ICA1: variants seen among roughly 807,000 people sequenced by gnomAD.
The protein encoded by ICA1 is 69 kDa islet cell autoantigen.
In ICA1, 40 loss-of-function variants were observed where a neutral mutation model predicts 71.0. That is an observed-to-expected ratio of 0.56 (90% CI 0.44 to 0.73). The LOEUF (loss-of-function observed/expected upper bound fraction) is 0.73. ICA1 is among the 30% of genes least tolerant of loss of function. The probability of loss-of-function intolerance (pLI) is 0.00; values close to 1 mark genes in which losing one functional copy is unlikely to be tolerated. For synonymous variants in ICA1, 207 were observed against 209.5 expected, an observed-to-expected ratio of 0.99 and a Z score of 0.10; for missense variants, 578 against 576.5, an observed-to-expected ratio of 1.00 and a Z score of -0.03.
At chr7:8,238,174 C>T (rs983774112) in intron 1 of ICA1, among the ~76,000 whole-genome samples, 1 of 152,140 alleles carries the variant, frequency 6.6e-6, no homozygotes, top group Non-Finnish European at 1.5e-5. Flanking sequence ...AGAATTTGGA[C>T]TGCTGGATTA....
chr7:8,146,882 G>GCACACACA (rs144575495), intron 8 of ICA1, among the ~76,000 whole-genome samples: 1 of 139,356 alleles, frequency 7.2e-6, no homozygotes, highest in Non-Finnish European at 1.6e-5. Flanking sequence ...ACACACACAC[G>GCACACACA]CACACACACA....
Position 8,128,279 on chromosome 7 carries a change from C to T in ICA1, c.1061-137G>A, listed in dbSNP as rs188308369. 3.1e-4 allele frequency: 270 copies of T among 861,118 alleles called. 3 individuals carry two copies. The Middle Eastern group carries it at 6.9e-3, about 22-fold the overall frequency. The allele number at this position is 861,118 out of a possible 1,614,324, so 53.3% of individuals were successfully genotyped here. ...AATGTCATCAAAATATAAGTTCATC[C>T]TATTATTATAGCCTCTCTTAAGAGT... On this transcript the variant is annotated intron_variant, in intron 12 of 13. Transcript: ENST00000402384.
intron 1 of ICA1, among the ~76,000 whole-genome samples, chr7:8,252,004 C>A (rs1378147118): frequency 1.3e-5 from 2 of 151,946 alleles, no homozygotes; most frequent in Non-Finnish European, 2.9e-5. Context: ...ATTTGCAAAC[C>A]ACAAACCTAA....
chr7:8,207,415 C>T (rs1791983410), intron 6 of ICA1, among the ~76,000 whole-genome samples: 1 of 152,222 alleles, frequency 6.6e-6, no homozygotes, highest in East Asian at 1.9e-4. Context: ...AGGCTCCTCT[C>T]TCTGAGTTCC....
rs140134627 is a variant in ICA1 at position 8,222,745 on chromosome 7, T to C, written c.257-1347A>G. On this transcript the variant is annotated intron_variant, in intron 4 of 13. Coordinates refer to ENST00000402384, the MANE Select transcript of ICA1 (RefSeq NM_001136020.3). The surrounding 1 kb of genome is among the most constrained non-coding windows in gnomAD (Gnocchi z 4.8). ...TCTCTTCTGTCTCTCAAAAATCAAGTTCACCATCAAAGGCCTGCTCGCAGG... is the reference window on the plus strand; with the variant it reads ...TCTCTTCTGTCTCTCAAAAATCAAGCTCACCATCAAAGGCCTGCTCGCAGG... 1.3e-3 allele frequency among the ~76,000 whole-genome samples: 199 copies of C among 152,304 alleles called. No individual in the cohort carries two copies. Among genetic ancestry groups the C allele is most frequent in the African/African-American group, 4.6e-3 (190 of 41,566 alleles).
intron 6 of ICA1, among the ~76,000 whole-genome samples, chr7:8,180,781 G>T (rs1293995878): frequency 6.6e-6 from 1 of 151,208 alleles, no homozygotes; most frequent in Non-Finnish European, 1.5e-5. Flanking sequence ...CTTTTGTCAA[G>T]TATCTGCTCA....
intron 6 of ICA1, among the ~76,000 whole-genome samples, chr7:8,164,258 C>T (rs1038387794): frequency 2.4e-5 from 3 of 127,538 alleles, no homozygotes; most frequent in Admixed American, 1.0e-4. Flanking sequence ...GAACTGAGAT[C>T]GTCGCACTGC....
At chr7:8,158,224 G>T in intron 7 of ICA1, 1 of 334,886 alleles carries the variant, frequency 3.0e-6, no homozygotes, top group Non-Finnish European at 5.5e-6. Flanking sequence ...GTGACATTCT[G>T]TCTCGTACAT....
chr7:8,227,542 A>G lies in ICA1; in HGVS notation c.256+1059T>C, dbSNP rs952672506. 4 of 294,146 alleles carry G rather than the reference A, an allele frequency of 1.4e-5. No homozygotes were observed. In the Admixed American group the frequency reaches 1.9e-4, roughly 14 times the overall value. 18.2% of individuals were successfully genotyped at this position (294,146 alleles called of 1,614,324 possible). A position where few individuals can be genotyped will look rare whatever the true frequency, so the allele number is the denominator to read the frequency against. ...CCTCAAACACTTAGGAAATACTAAC[A>G]TAGATAATTTATAAAATACTGCCTC... On this transcript the variant is annotated intron_variant, in intron 4 of 13. Coordinates refer to ENST00000402384, the MANE Select transcript of ICA1 (RefSeq NM_001136020.3).
At chr7:8,245,835 G>A (rs71533396) in intron 1 of ICA1, among the ~76,000 whole-genome samples, 2,342 of 152,238 alleles carry the variant, frequency 0.015, 25 homozygotes, top group Non-Finnish European at 0.024. Context: ...ATACCATATT[G>A]AACAGTACAA....
intron 6 of ICA1, among the ~76,000 whole-genome samples, chr7:8,193,300 C>T (rs915056178): frequency 1.3e-5 from 2 of 152,286 alleles, no homozygotes. Context: ...TATCAGAAAT[C>T]AGGAGTTTAC....
chr7:8,115,704 G>A (rs1046267233), intron 13 of ICA1, among the ~76,000 whole-genome samples: 1 of 152,190 alleles, frequency 6.6e-6, no homozygotes, highest in Non-Finnish European at 1.5e-5. Flanking sequence ...ACTTCCTGTG[G>A]CCAACAAGAG....
chr7:8,152,747 C>CACCACAATT (rs1799667048), intron 8 of ICA1, among the ~76,000 whole-genome samples: 3 of 150,788 alleles, frequency 2.0e-5, no homozygotes, highest in East Asian at 2.0e-4. Context: ...CCACAACCAC[C>CACCACAATT]ATCTCCTTCA....
At chr7:8,149,498 C>G (rs1798106040) in intron 8 of ICA1, among the ~76,000 whole-genome samples, 1 of 152,160 alleles carries the variant, frequency 6.6e-6, no homozygotes, top group Admixed American at 6.5e-5. Context: ...GCAAAAGTGT[C>G]TTAGAAAGGA....
chr7:8,118,469 AG>A (rs1785494684), intron 13 of ICA1, among the ~76,000 whole-genome samples: 2 of 152,212 alleles, frequency 1.3e-5, no homozygotes, highest in Admixed American at 6.5e-5. Context: ...GTTCTCTTAC[AG>A]TGGGTGAAGT....
At chr7:8,182,333 C>A (rs775935094) in intron 6 of ICA1, among the ~76,000 whole-genome samples, 1 of 152,172 alleles carries the variant, frequency 6.6e-6, no homozygotes. Flanking sequence ...TCCTTCTACA[C>A]TTTGAATTCT....
At chr7:8,228,534 G>A in intron 4 of ICA1, 67 bp downstream of exon 4, 2 of 921,180 alleles carry the variant, frequency 2.2e-6, no homozygotes, top group Non-Finnish European at 3.3e-6. Context: ...ATGAAATGAT[G>A]TATCAAGACA....
intron 13 of ICA1, among the ~76,000 whole-genome samples, chr7:8,117,923 G>A (rs545468042): frequency 4.6e-5 from 7 of 152,276 alleles, no homozygotes; most frequent in African/African-American, 1.7e-4. Context: ...CTATTTCTTA[G>A]TTTACACTTT....
chr7:8,252,602 G>A (rs1224374185), intron 1 of ICA1, among the ~76,000 whole-genome samples: 1 of 151,750 alleles, frequency 6.6e-6, no homozygotes, highest in Non-Finnish European at 1.5e-5. Flanking sequence ...ACTGGATTTT[G>A]AAGACTTAGT....
Sources: gnomAD v4.1 joint callset for allele counts (sites outside exome capture counted in the v4.1 genomes callset) on GRCh38, gnomAD v4.1.1 for gene constraint, Gnocchi (gnomAD v3.1) non-coding constraint, MANE v1.5 for transcripts, NCBI Gene and HGNC (gene_info 2026-07-23, HGNC 2026-07-21) for gene names.